PRKCE: variants seen among roughly 807,000 people sequenced by gnomAD.
PRKCE encodes the protein protein kinase C epsilon.
PRKCE carries 16 observed loss-of-function variants against 85.4 expected under a neutral mutation model. The ratio of observed to expected loss-of-function variants is 0.19; its 90% CI spans 0.13 to 0.28. The LOEUF is 0.28. Ranked by LOEUF, PRKCE falls within the 10% of genes least tolerant of loss-of-function variation. The probability of loss-of-function intolerance (pLI) is 1.00; values close to 1 mark genes in which losing one functional copy is unlikely to be tolerated. For synonymous variants in PRKCE, 388 were observed against 371.5 expected, an observed-to-expected ratio of 1.04 and a Z score of -0.51; for missense variants, 573 against 975.2, an observed-to-expected ratio of 0.59 and a Z score of 5.49.
chr2:45,684,838 A>G (rs925087639), intron 1 of PRKCE, among the ~76,000 whole-genome samples: 2 of 152,126 alleles, frequency 1.3e-5, no homozygotes, highest in African/African-American at 2.4e-5. Flanking sequence ...TCCCCAGTCA[A>G]CCCCATTTGT....
chr2:45,862,720 CA>C (rs1276448322), intron 2 of PRKCE, among the ~76,000 whole-genome samples: 1 of 152,190 alleles, frequency 6.6e-6, no homozygotes, highest in Admixed American at 6.5e-5. Flanking sequence ...TCAGAGCAGG[CA>C]GCTTATTACC....
intron 6 of PRKCE, among the ~76,000 whole-genome samples, chr2:45,990,261 G>T (rs143540232): frequency 6.6e-6 from 1 of 152,152 alleles, no homozygotes; most frequent in African/African-American, 2.4e-5. Flanking sequence ...GTTCTCTGCC[G>T]TATGGGCCTC....
chr2:45,923,361 A>G (rs549493554), intron 2 of PRKCE, among the ~76,000 whole-genome samples: 4 of 152,242 alleles, frequency 2.6e-5, no homozygotes, highest in Non-Finnish European at 5.9e-5. Context: ...TTGTGTGCCC[A>G]GAGCAGTGGC....
At chr2:46,174,131 T>A (rs1015911192) in intron 14 of PRKCE, among the ~76,000 whole-genome samples, 3 of 152,208 alleles carry the variant, frequency 2.0e-5, no homozygotes, top group African/African-American at 7.2e-5. Context: ...CAGAAGTGTT[T>A]TAGCGAGGAA....
At chr2:46,152,981 T>C (rs1049028223) in intron 13 of PRKCE, among the ~76,000 whole-genome samples, 1 of 152,062 alleles carries the variant, frequency 6.6e-6, no homozygotes, top group African/African-American at 2.4e-5. Context: ...TTTTCCTCCT[T>C]CCTTTCCTCT....
intron 11 of PRKCE, among the ~76,000 whole-genome samples, chr2:46,141,882 ACT>A (rs988898980): frequency 1.3e-5 from 2 of 152,034 alleles, no homozygotes; most frequent in Non-Finnish European, 2.9e-5. Flanking sequence ...CACCATGGGA[ACT>A]CTCAGGAGAA....
chr2:45,709,626 A>G (rs1679435225), intron 1 of PRKCE, among the ~76,000 whole-genome samples: 1 of 152,200 alleles, frequency 6.6e-6, no homozygotes, highest in South Asian at 2.1e-4. Context: ...CTGCTGCAGC[A>G]TGTTGTCAAA....
At chr2:46,132,018 C>T (rs1173732728) in intron 11 of PRKCE, among the ~76,000 whole-genome samples, 2 of 151,960 alleles carry the variant, frequency 1.3e-5, no homozygotes, top group African/African-American at 4.8e-5. Flanking sequence ...AGTCTCAAAG[C>T]ATAAAAAGAA....
intron 1 of PRKCE, among the ~76,000 whole-genome samples, chr2:45,707,329 T>C (rs1457479136): frequency 6.6e-6 from 1 of 152,220 alleles, no homozygotes; most frequent in Non-Finnish European, 1.5e-5. Context: ...TTGTAATTGT[T>C]ACCAAACATC....
At chr2:45,885,983 C>T (rs1695270618) in intron 2 of PRKCE, among the ~76,000 whole-genome samples, 1 of 152,208 alleles carries the variant, frequency 6.6e-6, no homozygotes, top group Admixed American at 6.5e-5. Flanking sequence ...TAGACCCACA[C>T]CTCCCCAGAA....
At chr2:46,163,661 G>A (rs1678010501) in intron 14 of PRKCE, among the ~76,000 whole-genome samples, 1 of 136,376 alleles carries the variant, frequency 7.3e-6, no homozygotes, top group Non-Finnish European at 1.6e-5. Context: ...GGAAGCTGAG[G>A]CACACCCCAC....
intron 2 of PRKCE, among the ~76,000 whole-genome samples, chr2:45,863,544 A>G (rs1693340515): frequency 2.0e-5 from 3 of 151,942 alleles, no homozygotes; most frequent in Admixed American, 2.0e-4. Flanking sequence ...TCACGGGCCA[A>G]CCCTGGGGAT....
At chr2:46,177,441 T>C in intron 14 of PRKCE, among the ~76,000 whole-genome samples, 1 of 152,208 alleles carries the variant, frequency 6.6e-6, no homozygotes, top group East Asian at 1.9e-4. Flanking sequence ...TCTTGCTCCC[T>C]CTGAAACCTA....
At chr2:46,104,975 T>G (rs1380244802) in intron 11 of PRKCE, among the ~76,000 whole-genome samples, 2 of 152,098 alleles carry the variant, frequency 1.3e-5, no homozygotes, top group Non-Finnish European at 2.9e-5. Context: ...TTCTGGTGCT[T>G]GGTTCTCTTC....
rs141009355 is a variant in PRKCE, at chr2:45,864,143, A to G, written c.412+21080A>G. 4.4e-3 allele frequency among the ~76,000 whole-genome samples: 667 copies of G among 152,298 alleles called. 5 individuals are homozygous for G. The highest frequency in any genetic ancestry group is 7.1e-3 in the Admixed American group (109 of 15,306). ...CTGGGTGTGAATCCTTCTACCCCTCAAAGAGCGTCATTCTGCTCTCTCTGG... is the reference window on the plus strand; with the variant it reads ...CTGGGTGTGAATCCTTCTACCCCTCGAAGAGCGTCATTCTGCTCTCTCTGG... On this transcript the variant is annotated intron_variant, in intron 2 of 14. Transcript: ENST00000306156.
chr2:45,766,224 T>A (rs1349421574), intron 1 of PRKCE, among the ~76,000 whole-genome samples: 1 of 152,198 alleles, frequency 6.6e-6, no homozygotes, highest in Non-Finnish European at 1.5e-5. Flanking sequence ...ATCCAAAATT[T>A]CAGGGCAAGA....
At chr2:45,899,895 G>A (rs1696446653) in intron 2 of PRKCE, among the ~76,000 whole-genome samples, 1 of 152,144 alleles carries the variant, frequency 6.6e-6, no homozygotes, top group Non-Finnish European at 1.5e-5. Context: ...TATATTTCTA[G>A]CATGAAGGGG....
chr2:46,007,755 G>T, intron 9 of PRKCE, 94 bp downstream of exon 9: 4 of 1,344,118 alleles, frequency 3.0e-6, no homozygotes, highest in Non-Finnish European at 4.0e-6. Context: ...GAACCTTTCA[G>T]CCTGATCTCG....
intron 9 of PRKCE, among the ~76,000 whole-genome samples, chr2:46,009,587 C>T (rs1705487146): frequency 1.3e-5 from 2 of 152,220 alleles, no homozygotes; most frequent in Non-Finnish European, 2.9e-5. Context: ...TTGTATCACA[C>T]ATCCTTTCTG....
Sources: allele counts gnomAD v4.1 joint callset (sites outside exome capture counted in the v4.1 genomes callset), GRCh38; gene constraint gnomAD v4.1.1; transcripts MANE v1.5; gene names NCBI Gene and HGNC (gene_info 2026-07-23, HGNC 2026-07-21).